LAMA4: variants seen among roughly 807,000 people sequenced by gnomAD.
LAMA4 encodes the protein laminin subunit alpha 4.
LAMA4 carries 127 observed loss-of-function variants against 207.1 expected under a neutral mutation model. The ratio of observed to expected loss-of-function variants is 0.61; its 90% CI spans 0.53 to 0.71. The LOEUF is 0.71. Among genes scored for constraint, LAMA4 ranks in the 30% least tolerant of loss-of-function variants. The pLI is 0.00. For missense variants in LAMA4, 2,093 were observed against 2,246.5 expected, an observed-to-expected ratio of 0.93 and a Z score of 1.38; for synonymous variants, 761 against 816.0, an observed-to-expected ratio of 0.93 and a Z score of 1.15.
rs782372332 is a variant in LAMA4 at position 112,187,514 on chromosome 6, A to G, written c.902T>C (p.Val301Ala). ...IEEGKSGVLS[V>A]SSGAAAHRHV... ...CCTATGAGCGGCGGCCCCAGAGGAT[A>G]CGCTCAGCACCCCGGATTTGCCTTC... The change falls in exon 8 of 39, where the codon GTA (valine) becomes GCA (alanine). Residue 301 changes from valine to alanine, a missense_variant. This residue lies in a region of LAMA4 where 1,704 missense variants were observed against 1,788.4 expected (regional missense o/e 0.95). Coordinates refer to ENST00000230538, the MANE Select transcript of LAMA4 (RefSeq NM_001105206.3). 1 of 1,614,112 alleles carries G rather than the reference A, an allele frequency of 6.2e-7. No individual in the cohort carries two copies. Among genetic ancestry groups the G allele is most frequent in the Non-Finnish European group, 8.5e-7 (1 of 1,180,002 alleles).
At chr6:112,183,429 A>G (rs1432709614) in intron 9 of LAMA4, among the ~76,000 whole-genome samples, 1 of 152,168 alleles carries the variant, frequency 6.6e-6, no homozygotes, top group Non-Finnish European at 1.5e-5. Context: ...TAGCTTTATC[A>G]TCAACCTCCT....
At chr6:112,159,916 T>C (rs1414305485) in intron 13 of LAMA4, among the ~76,000 whole-genome samples, 1 of 151,970 alleles carries the variant, frequency 6.6e-6, no homozygotes, top group Non-Finnish European at 1.5e-5. Context: ...AAAGCCTGAG[T>C]TTTCCTGTGT....
intron 2 of LAMA4, among the ~76,000 whole-genome samples, chr6:112,231,895 A>G (rs1327510298): frequency 6.6e-6 from 1 of 152,206 alleles, no homozygotes; most frequent in Non-Finnish European, 1.5e-5. Flanking sequence ...AACCCGTTCC[A>G]AACTTAGGAT....
rs1008456977 is a variant in LAMA4 at position 112,248,673 on chromosome 6, T to C, written c.195+5283A>G. Among the ~76,000 whole-genome samples, 5 of 152,148 alleles carry C rather than the reference T, an allele frequency of 3.3e-5. No homozygotes were observed. In the East Asian group the frequency reaches 7.7e-4, roughly 23 times the overall value. On this transcript the variant is annotated intron_variant, in intron 2 of 38. Transcript: ENST00000230538. ...TCCATAACATAGACCAGGTATTCCATAGGTAATACTGTTATGAATTTCCTA... is the reference window on the plus strand; with the variant it reads ...TCCATAACATAGACCAGGTATTCCACAGGTAATACTGTTATGAATTTCCTA...
chr6:112,191,008 T>C (rs1783086707), intron 6 of LAMA4, among the ~76,000 whole-genome samples: 1 of 145,628 alleles, frequency 6.9e-6, no homozygotes, highest in Non-Finnish European at 1.5e-5. Context: ...TCTTTCTTTC[T>C]CTCTTTCAGA....
At chr6:112,241,149 G>GAATATATATT (rs1786433461) in intron 2 of LAMA4, among the ~76,000 whole-genome samples, 1 of 83,574 alleles carries the variant, frequency 1.2e-5, no homozygotes, top group African/African-American at 3.9e-5. Context: ...ATATATATAT[G>GAATATATATT]AATATATATA....
intron 16 of LAMA4, 75 bp from the exon 17 acceptor site, chr6:112,150,702 C>G: frequency 9.8e-7 from 1 of 1,024,960 alleles, no homozygotes; most frequent in Non-Finnish European, 1.6e-6. Flanking sequence ...AACAAGGAAA[C>G]TTCTCATTTG....
At position 112,108,244 on chromosome 6, in the gene LAMA4, T is replaced by C. The variant is rs1433170548; in HGVS notation, c.*1193A>G. 1.3e-5 allele frequency among the ~76,000 whole-genome samples: 2 copies of C among 152,178 alleles called. No individual in the cohort carries two copies. Among genetic ancestry groups the C allele is most frequent in the African/African-American group, 4.8e-5 (2 of 41,452 alleles). On this transcript the variant is annotated 3_prime_UTR_variant, in exon 39 of 39. Coordinates refer to ENST00000230538, the MANE Select transcript of LAMA4 (RefSeq NM_001105206.3). ...TGATATCAGGGCCTATTTTCTCTTT[T>C]TCTGTCTTCTGAGTTGAGGTTTTTA...
chr6:112,133,818 C>T (rs543043243), intron 26 of LAMA4, among the ~76,000 whole-genome samples: 126 of 152,266 alleles, frequency 8.3e-4, no homozygotes, highest in African/African-American at 2.9e-3. Flanking sequence ...TAGGAACTAA[C>T]ATGTTACACA....
chr6:112,201,536 A>T, intron 5 of LAMA4, 72 bp downstream of exon 5: 1 of 1,202,076 alleles, frequency 8.3e-7, no homozygotes, highest in Non-Finnish European at 1.2e-6. Flanking sequence ...GGAGTATGGC[A>T]GAGCTGTTGA....
chr6:112,199,899 T>C lies in LAMA4; in HGVS notation c.503+1709A>G, dbSNP rs1191676960. 3.9e-5 allele frequency among the ~76,000 whole-genome samples: 6 copies of C among 152,154 alleles called. No homozygotes were observed. In the East Asian group the frequency reaches 1.2e-3, roughly 29 times the overall value. ...TGAGTTTGTGAGCCCATCTGTGCTG[T>C]TGAGGGCCTGCAGATGAGTGACTGG... On this transcript the variant is annotated intron_variant, in intron 5 of 38. Coordinates refer to ENST00000230538, the MANE Select transcript of LAMA4 (RefSeq NM_001105206.3).
At chr6:112,228,795 T>C (rs1008922356) in intron 2 of LAMA4, among the ~76,000 whole-genome samples, 15 of 152,180 alleles carry the variant, frequency 9.9e-5, no homozygotes, top group Admixed American at 1.3e-4. Context: ...TTACTTTCCC[T>C]GAAATGCAAG....
chr6:112,190,931 CTTTCTTTCTTTCTTTCCTT>C (rs1783035409), intron 6 of LAMA4, among the ~76,000 whole-genome samples: 1 of 79,346 alleles, frequency 1.3e-5, no homozygotes, highest in Non-Finnish European at 2.4e-5. Context: ...TTCTTTCTTT[CTTTCTTTCTTTCTTTCCTT>C]TCTTTCTTTC....
chr6:112,157,783 A>C (rs1554337357), intron 14 of LAMA4: 1 of 152,152 alleles, frequency 6.6e-6, no homozygotes, highest in Non-Finnish European at 1.5e-5. Flanking sequence ...GTTTTTTCTA[A>C]GCTCCATTTT....
chr6:112,184,241 G>A (rs1782547865), intron 9 of LAMA4, among the ~76,000 whole-genome samples: 1 of 151,048 alleles, frequency 6.6e-6, no homozygotes, highest in Admixed American at 6.6e-5. Flanking sequence ...TGTTGATCAT[G>A]AGAATTGTTT....
intron 32 of LAMA4, 156 bp downstream of exon 32, chr6:112,121,858 A>T: frequency 1.5e-6 from 1 of 678,832 alleles, no homozygotes; most frequent in African/African-American, 1.8e-5. Flanking sequence ...TTTTGATAGC[A>T]TAAATCATGT....
chr6:112,163,149 A>T (rs763246), intron 13 of LAMA4, among the ~76,000 whole-genome samples: 87,055 of 149,254 alleles, frequency 0.58, 25,483 homozygotes, highest in Middle Eastern at 0.65. Context: ...TTAAAAAAAA[A>T]TTTTCTTTTT....
intron 2 of LAMA4, among the ~76,000 whole-genome samples, chr6:112,237,368 G>A (rs1423293159): frequency 6.6e-6 from 1 of 152,210 alleles, no homozygotes; most frequent in Non-Finnish European, 1.5e-5. Flanking sequence ...ATAAGATTTT[G>A]AGTAACATTT....
intron 3 of LAMA4, among the ~76,000 whole-genome samples, chr6:112,211,817 G>A (rs961925665): frequency 1.3e-5 from 2 of 152,178 alleles, no homozygotes; most frequent in African/African-American, 2.4e-5. Flanking sequence ...AGTGTGGCTG[G>A]AGGAGAAACT....
Sources: allele counts gnomAD v4.1 joint callset (sites outside exome capture counted in the v4.1 genomes callset), GRCh38; gene constraint gnomAD v4.1.1; regional missense constraint gnomAD v4.1.1; transcripts MANE v1.5; gene names NCBI Gene and HGNC (gene_info 2026-07-23, HGNC 2026-07-21).